KCNIP4: variants seen among roughly 807,000 people sequenced by gnomAD.
KCNIP4 encodes potassium voltage-gated channel interacting protein 4, also known as Kv channel-interacting protein 4.
In KCNIP4, 12 loss-of-function variants were observed where a neutral mutation model predicts 34.0. The observed-to-expected ratio is 0.35, with a 90% CI of 0.23 to 0.57. The LOEUF is 0.57. Among genes scored for constraint, KCNIP4 ranks in the 20% least tolerant of loss-of-function variants. The pLI, the probability that KCNIP4 is intolerant of heterozygous loss-of-function variation, is 0.83. For missense variants in KCNIP4, 238 were observed against 311.7 expected, an observed-to-expected ratio of 0.76 and a Z score of 1.78; for synonymous variants, 124 against 102.2, an observed-to-expected ratio of 1.21 and a Z score of -1.29.
At chr4:20,827,161 T>C (rs1202160308) in intron 3 of KCNIP4, among the ~76,000 whole-genome samples, 4 of 152,198 alleles carry the variant, frequency 2.6e-5, no homozygotes, top group African/African-American at 7.2e-5. Context: ...CCAGCTACCA[T>C]GAATAAGAAA....
rs556493957 is a variant in KCNIP4 at position 21,335,110 on chromosome 4, A to G, written c.62-452401T>C. Among the ~76,000 whole-genome samples, 27 of 152,026 alleles carry G rather than the reference A, an allele frequency of 1.8e-4. 1 individual carries two copies. Among genetic ancestry groups the G allele is most frequent in the African/African-American group, 5.8e-4 (24 of 41,470 alleles). On this transcript the variant is annotated intron_variant, in intron 1 of 8. Transcript: ENST00000382152. Reference sequence around the variant, plus strand: ...GGAAGTGGGTAGAGTTCTAATTCCAACTCACCAGTAACTACTGAGTAGTCA... The same window carrying G: ...GGAAGTGGGTAGAGTTCTAATTCCAGCTCACCAGTAACTACTGAGTAGTCA...
intron 1 of KCNIP4, among the ~76,000 whole-genome samples, chr4:21,712,657 T>TATTG (rs1713821707): frequency 6.6e-6 from 1 of 152,272 alleles, no homozygotes; most frequent in Non-Finnish European, 1.5e-5. Context: ...CTCCCTTTTA[T>TATTG]ATTGCTGCAG....
At chr4:21,521,043 AT>A (rs1735480055) in intron 1 of KCNIP4, among the ~76,000 whole-genome samples, 1 of 152,134 alleles carries the variant, frequency 6.6e-6, no homozygotes. Context: ...TCTTCAATTC[AT>A]TTGTCCTTCA....
chr4:21,256,685 G>T (rs1577973452), intron 1 of KCNIP4, among the ~76,000 whole-genome samples: 1 of 152,146 alleles, frequency 6.6e-6, no homozygotes, highest in Admixed American at 6.6e-5. Flanking sequence ...TAATTTTAAT[G>T]CGAAGGAAAG....
At chr4:21,505,551 A>G (rs1209875863) in intron 1 of KCNIP4, among the ~76,000 whole-genome samples, 1 of 152,136 alleles carries the variant, frequency 6.6e-6, no homozygotes, top group Non-Finnish European at 1.5e-5. Flanking sequence ...TTCTGCCTGG[A>G]CAAATCCTAT....
intron 1 of KCNIP4, among the ~76,000 whole-genome samples, chr4:21,195,465 G>GTCTC (rs1304852226): frequency 6.6e-6 from 1 of 152,174 alleles, no homozygotes; most frequent in African/African-American, 2.4e-5. Context: ...TTTACAAAAT[G>GTCTC]TCTCAGCACT....
At chr4:21,337,177 G>T (rs1318501972) in intron 1 of KCNIP4, among the ~76,000 whole-genome samples, 1 of 152,142 alleles carries the variant, frequency 6.6e-6, no homozygotes, top group African/African-American at 2.4e-5. Context: ...TTAGGTACAT[G>T]CTGGGAAGCG....
intron 1 of KCNIP4, among the ~76,000 whole-genome samples, chr4:21,746,067 A>T (rs896467310): frequency 3.3e-5 from 5 of 152,078 alleles, no homozygotes; most frequent in African/African-American, 1.2e-4. Flanking sequence ...AAATGGCCAC[A>T]TTCTTGCTCT....
In KCNIP4 at chr4:21,589,312, ACATGTACATATACACG is replaced by A. The variant is rs1741970432; in HGVS notation, c.61+359243_61+359258del. Reference sequence around the variant, plus strand: ...TATATATGTGTATAGATACATATATACATGTACATATACACGTGTATATATATACATGTGTATGTAT... The same window carrying A: ...TATATATGTGTATAGATACATATATATGTATATATATACATGTGTATGTAT... On this transcript the variant is annotated intron_variant, in intron 1 of 8. Transcript: ENST00000382152. Among the ~76,000 whole-genome samples the A allele has an allele frequency of 4.2e-5, 6 of 142,284 alleles. No individual in the cohort carries two copies. In the South Asian group the frequency reaches 1.1e-3, roughly 25 times the overall value. The allele number at this position is 142,284 out of a possible 152,430, so 93.3% of individuals were successfully genotyped here. A position where few individuals can be genotyped will look rare whatever the true frequency, so the allele number is the denominator to read the frequency against.
intron 1 of KCNIP4, among the ~76,000 whole-genome samples, chr4:21,586,789 T>G (rs1233208661): frequency 1.3e-5 from 2 of 152,050 alleles, no homozygotes; most frequent in Admixed American, 6.6e-5. Flanking sequence ...AAATAACCCC[T>G]GGATTCTTCC....
rs1435603724 is a variant in KCNIP4, at chr4:20,729,205, T to G, written c.*877A>C. 2 of 151,944 alleles carry G rather than the reference T, an allele frequency of 1.3e-5. No individual in the cohort carries two copies. Among genetic ancestry groups the G allele is most frequent in the African/African-American group, 4.8e-5 (2 of 41,394 alleles). The allele number at this position is 151,944 out of a possible 1,614,324, so 9.4% of individuals were successfully genotyped here. ...GATTTGGCCTTTAATGCTGTTAGGA[T>G]TACTTGTTATTAAGCATTACTATAT... is the stretch of plus-strand genomic sequence containing the variant. On this transcript the variant is annotated 3_prime_UTR_variant, in exon 9 of 9. Coordinates refer to ENST00000382152, the MANE Select transcript of KCNIP4 (RefSeq NM_025221.6).
At chr4:21,326,465 C>A (rs62294093) in intron 1 of KCNIP4, among the ~76,000 whole-genome samples, 9 of 127,864 alleles carry the variant, frequency 7.0e-5, no homozygotes, top group Non-Finnish European at 1.3e-4. Context: ...TTTTTTCGTA[C>A]CTTTTTTTTT....
intron 1 of KCNIP4, among the ~76,000 whole-genome samples, chr4:21,505,061 A>G (rs1210406035): frequency 6.6e-6 from 1 of 152,190 alleles, no homozygotes; most frequent in Non-Finnish European, 1.5e-5. Context: ...TTAACTCTCG[A>G]GTGATGATGG....
At chr4:20,893,973 C>A (rs1030324945) in intron 1 of KCNIP4, among the ~76,000 whole-genome samples, 1 of 152,114 alleles carries the variant, frequency 6.6e-6, no homozygotes, top group African/African-American at 2.4e-5. Flanking sequence ...CTCCACCTCC[C>A]AGGTTCAAGC....
intron 1 of KCNIP4, chr4:21,846,600 T>C (rs1179016398): frequency 1.3e-5 from 2 of 152,166 alleles, no homozygotes; most frequent in East Asian, 3.9e-4. Context: ...GTTATTATTA[T>C]GATGCACCAG....
At chr4:20,840,011 G>A (rs1719530598) in intron 3 of KCNIP4, among the ~76,000 whole-genome samples, 1 of 152,144 alleles carries the variant, frequency 6.6e-6, no homozygotes, top group African/African-American at 2.4e-5. Flanking sequence ...GGCTCACTGT[G>A]CTTAAACTGT....
intron 1 of KCNIP4, among the ~76,000 whole-genome samples, chr4:21,409,658 G>A (rs562216434): frequency 5.3e-5 from 8 of 152,208 alleles, no homozygotes; most frequent in African/African-American, 7.2e-5. Context: ...TCATTCTGTC[G>A]TGCAACAAAT....
At chr4:20,882,818 C>T in intron 1 of KCNIP4, 109 bp from the exon 2 acceptor site, 1 of 749,404 alleles carries the variant, frequency 1.3e-6, no homozygotes, top group Non-Finnish European at 2.2e-6. Context: ...CGCAGCCATC[C>T]ACTCAGGCAA....
At chr4:20,781,046 T>C (rs764393495) in intron 3 of KCNIP4, among the ~76,000 whole-genome samples, 15 of 152,190 alleles carry the variant, frequency 9.9e-5, no homozygotes, top group Non-Finnish European at 1.6e-4. Flanking sequence ...AGAGTTCCTA[T>C]TTTTCTTTGT....
Sources: gnomAD v4.1 joint callset for allele counts (sites outside exome capture counted in the v4.1 genomes callset) on GRCh38, gnomAD v4.1.1 for gene constraint, MANE v1.5 for transcripts, NCBI Gene and HGNC (gene_info 2026-07-23, HGNC 2026-07-21) for gene names.